The following SLC23A2 variants were observed in gnomAD, a reference collection of about 807,000 sequenced individuals.
The protein encoded by SLC23A2 is Na(+)/L-ascorbic acid transporter 2.
SLC23A2 carries 36 observed loss-of-function variants against 73.3 expected under a neutral mutation model. The observed-to-expected ratio is 0.49, with a 90% confidence interval of 0.38 to 0.65. SLC23A2 has a LOEUF of 0.65. Ranked by LOEUF, SLC23A2 falls within the 30% of genes least tolerant of loss-of-function variation. SLC23A2 has a pLI of 0.00. For synonymous variants in SLC23A2, 343 were observed against 327.3 expected, an observed-to-expected ratio of 1.05 and a Z score of -0.52; for missense variants, 507 against 841.6, an observed-to-expected ratio of 0.60 and a Z score of 4.92.
intron 7 of SLC23A2, 48 bp from the exon 8 acceptor site, chr20:4,884,871 C>T (rs770743789): frequency 2.9e-6 from 3 of 1,044,664 alleles, no homozygotes; most frequent in African/African-American, 1.6e-5. Context: ...TGATGTCTCA[C>T]ATGACATATT....
intron 2 of SLC23A2, among the ~76,000 whole-genome samples, chr20:4,958,094 G>C (rs962243941): frequency 1.3e-5 from 2 of 152,146 alleles, no homozygotes; most frequent in Non-Finnish European, 2.9e-5. Context: ...TGTGAAGACT[G>C]TCTGCACCCT....
rs541588428 is a variant in SLC23A2 at position 4,986,091 on chromosome 20, T to G, written c.-281-15172A>C. 8.5e-5 allele frequency among the ~76,000 whole-genome samples: 13 copies of G among 152,290 alleles called. No individual in the cohort carries two copies. In the East Asian group the frequency reaches 2.5e-3, roughly 29 times the overall value. On this transcript the variant is annotated intron_variant, in intron 1 of 16. Coordinates refer to ENST00000338244, the MANE Select transcript of SLC23A2 (RefSeq NM_005116.6). ...AACCTTTCTAAATCAAAGGCCTTACTTAAAGGTCTATATCAATTTAGGGCA... is the reference window on the plus strand; with the variant it reads ...AACCTTTCTAAATCAAAGGCCTTACGTAAAGGTCTATATCAATTTAGGGCA...
rs1929787573 is a variant in SLC23A2 at position 4,857,786 on chromosome 20, C to T, written c.1721-582G>A. 6.6e-6 allele frequency among the ~76,000 whole-genome samples: 1 copy of T among 152,062 alleles called. No individual in the cohort carries two copies. Among genetic ancestry groups the T allele is most frequent in the Non-Finnish European group, 1.5e-5 (1 of 68,010 alleles). On this transcript the variant is annotated intron_variant, in intron 16 of 16. Transcript: ENST00000338244. The surrounding 1 kb of genome is among the most constrained non-coding windows in gnomAD (Gnocchi z 4.0). The stretch of plus-strand genomic sequence containing the variant: ...TCCCCACTCAAAATACAAAAATTAG[C>T]TGGGCGTGGTGGTGCATGCCTGTAA...
At chr20:4,861,892 G>A (rs1284151858) in intron 15 of SLC23A2, 56 bp downstream of exon 15, 5 of 1,593,028 alleles carry the variant, frequency 3.1e-6, no homozygotes, top group South Asian at 1.1e-5. Flanking sequence ...AGCTGCGTGT[G>A]GACTGGCGGC....
At chr20:4,981,789 C>T (rs985293696) in intron 1 of SLC23A2, among the ~76,000 whole-genome samples, 2 of 151,882 alleles carry the variant, frequency 1.3e-5, no homozygotes, top group Admixed American at 6.6e-5. Flanking sequence ...ACAACCTCCA[C>T]CCCCCAGGTT....
chr20:4,951,099 A>AGCCAAGAAC (rs2087195501), intron 2 of SLC23A2, among the ~76,000 whole-genome samples: 1 of 152,238 alleles, frequency 6.6e-6, no homozygotes, highest in South Asian at 2.1e-4. Flanking sequence ...AACGGTATTC[A>AGCCAAGAAC]GGACATGCTG....
chr20:4,896,754 T>C (rs1931538635), intron 6 of SLC23A2, among the ~76,000 whole-genome samples: 1 of 152,172 alleles, frequency 6.6e-6, no homozygotes, highest in African/African-American at 2.4e-5. Flanking sequence ...TCACCCCCTA[T>C]ACTAAGTAAC....
intron 2 of SLC23A2, among the ~76,000 whole-genome samples, chr20:4,955,627 A>C (rs1399235694): frequency 6.6e-6 from 1 of 151,998 alleles, no homozygotes; most frequent in Non-Finnish European, 1.5e-5. Context: ...TGTCTCTACA[A>C]AAAATACAAA....
In SLC23A2 at chr20:4,873,996, G is replaced by A. The variant is rs1331637883; in HGVS notation, c.1042C>T (p.Arg348Cys). The change falls in exon 11 of 17, where the codon CGC (arginine) becomes TGC (cysteine). Residue 348 changes from arginine (R) to cysteine (C), a missense_variant. By Grantham distance (180) the Arg-to-Cys change is radical. This residue lies in a region of SLC23A2 where 217 missense variants were observed against 398.0 expected (regional missense o/e 0.55). Coordinates refer to ENST00000338244, the MANE Select transcript of SLC23A2 (RefSeq NM_005116.6). Reference protein sequence around the residue: ...PDSTKYGFYARTDARQGVLLV... With the variant: ...PDSTKYGFYACTDARQGVLLV... ...AGCACGCCTTGCCTGGCATCTGTGC[G>A]AGCATAGAAGCCATACTTTGTGCTG... The A allele has an allele frequency of 1.9e-6, 3 of 1,614,020 alleles. No individual in the cohort carries two copies. Among genetic ancestry groups the A allele is most frequent in the Non-Finnish European group, 2.5e-6 (3 of 1,180,002 alleles).
chr20:4,880,038 G>A (rs1323664419), intron 9 of SLC23A2, among the ~76,000 whole-genome samples: 3 of 152,152 alleles, frequency 2.0e-5, no homozygotes, highest in African/African-American at 7.2e-5. Flanking sequence ...TTGAACTCAG[G>A]GCTCGTTGCT....
At chr20:4,867,666 T>TAAAAACAA in intron 13 of SLC23A2, 104 bp downstream of exon 13, 1 of 519,456 alleles carries the variant, frequency 1.9e-6, no homozygotes, top group Non-Finnish European at 3.3e-6. Context: ...AGTAATTTTT[T>TAAAAACAA]AGAACCAGAG....
intron 2 of SLC23A2, among the ~76,000 whole-genome samples, chr20:4,965,614 A>G (rs1377295746): frequency 6.6e-6 from 1 of 152,094 alleles, no homozygotes; most frequent in African/African-American, 2.4e-5. Flanking sequence ...TCTACAAAAA[A>G]TTAGCCAGGT....
At chr20:4,984,930 A>C (rs1303291993) in intron 1 of SLC23A2, among the ~76,000 whole-genome samples, 1 of 152,174 alleles carries the variant, frequency 6.6e-6, no homozygotes, top group African/African-American at 2.4e-5. Context: ...TGAGGTCAAG[A>C]GATCGAGACC....
intron 1 of SLC23A2, among the ~76,000 whole-genome samples, chr20:4,985,728 A>G (rs911586755): frequency 6.6e-6 from 1 of 152,154 alleles, no homozygotes; most frequent in African/African-American, 2.4e-5. Context: ...GATTACAGGC[A>G]TGAGCCACTG....
At chr20:4,942,977 G>A (rs966122085) in intron 2 of SLC23A2, among the ~76,000 whole-genome samples, 5 of 152,002 alleles carry the variant, frequency 3.3e-5, no homozygotes, top group Admixed American at 3.3e-4. Flanking sequence ...GCTTTGGGAG[G>A]CCTAGTTGGG....
In SLC23A2 at chr20:4,899,115, A is replaced by G. The variant is rs1422274899; in HGVS notation, c.482+440T>C. Among the ~76,000 whole-genome samples the G allele has an allele frequency of 6.6e-6, 1 of 152,192 alleles. No homozygotes were observed. The highest frequency in any genetic ancestry group is 1.5e-5 in the Non-Finnish European group (1 of 68,028). ...GTGTGTAAAAAGGGAGGAGAGCTGC[A>G]GTGTGGCTCACCCTGAGGAGGGTGT... On this transcript the variant is annotated intron_variant, in intron 6 of 16. Coordinates refer to ENST00000338244, the MANE Select transcript of SLC23A2 (RefSeq NM_005116.6). This position sits in a 1 kb window ranked among gnomAD's most constrained non-coding sequence, Gnocchi z 4.9.
At chr20:4,881,570 C>G (rs1027771456) in intron 9 of SLC23A2, among the ~76,000 whole-genome samples, 1 of 152,166 alleles carries the variant, frequency 6.6e-6, no homozygotes, top group African/African-American at 2.4e-5. Flanking sequence ...TTAGCTTTGC[C>G]AGAAGTTTGT....
intron 4 of SLC23A2, among the ~76,000 whole-genome samples, chr20:4,911,782 A>G (rs1932158251): frequency 6.6e-6 from 1 of 152,176 alleles, no homozygotes; most frequent in African/African-American, 2.4e-5. Flanking sequence ...CATGGCAGAT[A>G]CAAAGAAAAA....
intron 1 of SLC23A2, among the ~76,000 whole-genome samples, chr20:4,994,152 C>G (rs1019042127): frequency 6.6e-6 from 1 of 152,120 alleles, no homozygotes; most frequent in African/African-American, 2.4e-5. Flanking sequence ...TACTGTGAAG[C>G]AGGATCACCA....
Sources: gnomAD v4.1 joint callset for allele counts (sites outside exome capture counted in the v4.1 genomes callset) on GRCh38, gnomAD v4.1.1 for gene constraint, gnomAD v4.1.1 regional missense constraint, Gnocchi (gnomAD v3.1) non-coding constraint, MANE v1.5 for transcripts, NCBI Gene and HGNC (gene_info 2026-07-23, HGNC 2026-07-21) for gene names.